Variants in RMDN2 observed in about 807,000 individuals in gnomAD.
RMDN2 encodes the protein regulator of microtubule dynamics protein 2.
A neutral mutation model predicts 52.8 loss-of-function variants in RMDN2; 61 were observed. That is an observed-to-expected ratio of 1.16 (90% CI 0.94 to 1.43). The LOEUF is 1.43. RMDN2 is among the 40% of genes most tolerant of loss of function. The probability of loss-of-function intolerance (pLI) is 0.00; values close to 1 mark genes in which losing one functional copy is unlikely to be tolerated. For synonymous variants in RMDN2, 180 were observed against 153.1 expected (o/e 1.18, Z -1.30); for missense variants, 592 against 475.3 (o/e 1.25, Z -2.28).
chr2:37,937,123 G>A (rs1479639419), intron 2 of RMDN2, among the ~76,000 whole-genome samples: 1 of 151,656 alleles, frequency 6.6e-6, no homozygotes, highest in African/African-American at 2.4e-5. Context: ...TTTTGCATAT[G>A]GCTAGCCAGT....
At chr2:37,933,607 C>CA (rs1368577471) in intron 2 of RMDN2, among the ~76,000 whole-genome samples, 2 of 152,196 alleles carry the variant, frequency 1.3e-5, no homozygotes, top group Non-Finnish European at 2.9e-5. Context: ...CCGTCTCCAC[C>CA]AAAAAAATAC....
intron 10 of RMDN2, among the ~76,000 whole-genome samples, chr2:38,052,533 G>C (rs1296495344): frequency 6.6e-6 from 1 of 152,076 alleles, no homozygotes; most frequent in East Asian, 1.9e-4. Flanking sequence ...GTTTAATATA[G>C]TCCCATTTGT....
At chr2:38,014,203 A>G (rs1678413834) in intron 10 of RMDN2, among the ~76,000 whole-genome samples, 1 of 151,886 alleles carries the variant, frequency 6.6e-6, no homozygotes, top group African/African-American at 2.4e-5. Flanking sequence ...CAAGAGTGAA[A>G]CTCCGTCGCA....
At chr2:38,055,669 C>T (rs1167228883) in intron 10 of RMDN2, among the ~76,000 whole-genome samples, 1 of 152,130 alleles carries the variant, frequency 6.6e-6, no homozygotes, top group Non-Finnish European at 1.5e-5. Context: ...CATCCAGACA[C>T]AATAGCATTC....
At chr2:38,013,758 G>A (rs944061936) in intron 10 of RMDN2, among the ~76,000 whole-genome samples, 3 of 152,074 alleles carry the variant, frequency 2.0e-5, no homozygotes, top group African/African-American at 7.2e-5. Context: ...TACAGCTCAG[G>A]GTAATAAATG....
chr2:37,925,861 C>G (rs1318231981), intron 1 of RMDN2, among the ~76,000 whole-genome samples: 2 of 152,202 alleles, frequency 1.3e-5, no homozygotes, highest in Non-Finnish European at 2.9e-5. Context: ...TGCTCTCAGA[C>G]TCCGTCTGTG....
At chr2:38,030,478 T>C (rs913080770) in intron 10 of RMDN2, 2 of 152,154 alleles carry the variant, frequency 1.3e-5, no homozygotes, top group African/African-American at 4.8e-5. Context: ...TAACAACCTG[T>C]TAAGAGAATT....
intron 2 of RMDN2, chr2:37,951,357 T>C: frequency 6.2e-7 from 1 of 1,613,310 alleles, no homozygotes; most frequent in Non-Finnish European, 8.5e-7. Context: ...TAAAACATCT[T>C]ATTCCCCTGT....
intron 7 of RMDN2, among the ~76,000 whole-genome samples, chr2:37,996,345 G>C (rs1233991816): frequency 6.6e-6 from 1 of 152,162 alleles, no homozygotes. Context: ...AGCACTTTGA[G>C]AGTCTGAGGC....
chr2:38,006,773 G>C (rs1677154653), intron 10 of RMDN2, among the ~76,000 whole-genome samples: 2 of 152,172 alleles, frequency 1.3e-5, no homozygotes, highest in African/African-American at 4.8e-5. Flanking sequence ...GGGCATCCCT[G>C]TCTTGTGCCA....
At chr2:37,997,332 A>AAC (rs796386197) in intron 7 of RMDN2, 84 bp from the exon 8 acceptor site, 1 of 836,496 alleles carries the variant, frequency 1.2e-6, no homozygotes, top group Non-Finnish European at 2.1e-6. Context: ...ATATACACAT[A>AAC]ACACACACAC....
chr2:37,941,051 G>T (rs1005412715), intron 2 of RMDN2, among the ~76,000 whole-genome samples: 5 of 152,200 alleles, frequency 3.3e-5, no homozygotes, highest in African/African-American at 1.2e-4. Flanking sequence ...GGTCTTTGTT[G>T]TTGGTGACGT....
chr2:38,014,379 T>C (rs1678447682), intron 10 of RMDN2, among the ~76,000 whole-genome samples: 1 of 152,350 alleles, frequency 6.6e-6, no homozygotes, highest in African/African-American at 2.4e-5. Flanking sequence ...TATTATTTCT[T>C]AAGATTTTGC....
Position 37,929,677 on chromosome 2 carries a change from A to G in RMDN2, c.400A>G (p.Ile134Val), listed in dbSNP as rs781263069. ...AGCGAGAAAAAGAAGACTCCCCACA[A>G]TTCAAAGTTCAGCAACAAGTAATAG... The part of the protein sequence containing the change: ...HRARKRRLPT[I>V]QSSATSNSSE... Residue 134 changes from isoleucine (I) to valine (V), a missense_variant, in exon 2 of 11, where the codon ATT (isoleucine) becomes GTT (valine). Physicochemically the swap from Ile to Val is conservative, Grantham distance 29. Transcript: ENST00000354545. The G allele has an allele frequency of 1.6e-5, 25 of 1,532,092 alleles. No individual in the cohort carries two copies. The highest frequency in any genetic ancestry group is 2.1e-5 in the Non-Finnish European group (24 of 1,142,326). 94.9% of individuals were successfully genotyped at this position (1,532,092 alleles called of 1,614,324 possible). A position where few individuals can be genotyped will look rare whatever the true frequency, so the allele number is the denominator to read the frequency against.
intron 10 of RMDN2, among the ~76,000 whole-genome samples, chr2:38,009,771 A>G (rs915329158): frequency 2.6e-5 from 4 of 151,462 alleles, no homozygotes; most frequent in African/African-American, 9.8e-5. Flanking sequence ...ATTCCTTTGG[A>G]GGAGGAGAGG....
chr2:38,048,830 G>A (rs571126458), intron 10 of RMDN2, among the ~76,000 whole-genome samples: 1 of 152,344 alleles, frequency 6.6e-6, no homozygotes. Flanking sequence ...TAGAGGCAGG[G>A]AGAACTACAA....
At chr2:37,975,172 C>A in intron 3 of RMDN2, 40 bp from the exon 4 acceptor site, 2 of 1,189,786 alleles carry the variant, frequency 1.7e-6, no homozygotes, top group Non-Finnish European at 2.5e-6. Flanking sequence ...AGACAAGTTA[C>A]CAAGTTAATT....
At chr2:38,004,332 AT>A in intron 10 of RMDN2, 116 bp downstream of exon 10, 1 of 688,374 alleles carries the variant, frequency 1.5e-6, no homozygotes, top group Non-Finnish European at 2.5e-6. Flanking sequence ...TTATGTATTT[AT>A]TTTTATTCTA....
chr2:37,977,689 C>T (rs1366948736), intron 4 of RMDN2, among the ~76,000 whole-genome samples: 4 of 151,282 alleles, frequency 2.6e-5, no homozygotes, highest in South Asian at 2.1e-4. Context: ...GACGGGGTCG[C>T]GGCCGGGTAG....
Sources: gnomAD v4.1 joint callset for allele counts (sites outside exome capture counted in the v4.1 genomes callset) on GRCh38, gnomAD v4.1.1 for gene constraint, MANE v1.5 for transcripts, NCBI Gene and HGNC (gene_info 2026-07-23, HGNC 2026-07-21) for gene names.